Variants in SLC2A14 observed in about 807,000 individuals in gnomAD.
SLC2A14 encodes the protein solute carrier family 2, facilitated glucose transporter member 14.
A neutral mutation model predicts 43.0 loss-of-function variants in SLC2A14; 13 were observed. The observed-to-expected ratio is 0.30, with a 90% CI of 0.20 to 0.48. The LOEUF (loss-of-function observed/expected upper bound fraction) is 0.48. SLC2A14 is among the 20% of genes least tolerant of loss of function. The pLI, the probability that SLC2A14 is intolerant of heterozygous loss-of-function variation, is 0.99. For missense variants in SLC2A14, 428 were observed against 620.4 expected (o/e 0.69, Z 3.29); for synonymous variants, 190 against 233.8 (o/e 0.81, Z 1.71).
In SLC2A14 at chr12:7,879,316, A is replaced by AAAAAC. The variant is rs148751409; in HGVS notation, c.132+11679_132+11680insGTTTT. On this transcript the variant is annotated intron_variant, in intron 1 of 9. Coordinates refer to the SLC2A14 transcript ENST00000539924. ...TAGCAAGACCTCAACTCTGCAAAAAAAAACAAACAACAACAAAAAAAAACA... is the reference window on the plus strand; with the variant it reads ...TAGCAAGACCTCAACTCTGCAAAAAAAAAACAAACAAACAACAACAAAAAAAAACA... 2.2e-4 allele frequency among the ~76,000 whole-genome samples: 24 copies of AAAAAC among 110,026 alleles called. 1 individual carries two copies. The highest frequency in any genetic ancestry group is 6.1e-4 in the South Asian group (2 of 3,302). The allele number at this position is 110,026 out of a possible 152,430, so 72.2% of individuals were successfully genotyped here.
intron 1 of SLC2A14, among the ~76,000 whole-genome samples, chr12:7,884,926 A>G (rs1945662628): frequency 6.6e-6 from 1 of 151,998 alleles, no homozygotes; most frequent in Non-Finnish European, 1.5e-5. Flanking sequence ...TGGCAACAAT[A>G]TTGTTCAAGG....
At chr12:7,832,848 T>A in intron 2 of SLC2A14, 34 bp from the exon 3 acceptor site, 1 of 1,595,616 alleles carries the variant, frequency 6.3e-7, no homozygotes, top group Non-Finnish European at 8.6e-7. Flanking sequence ...GAGAGAATAG[T>A]CCTTAAAACT....
rs764554907 is a variant in SLC2A14 at position 7,878,731 on chromosome 12, C to T, written c.132+12265G>A. Reference sequence around the variant, plus strand: ...GGGTGGCTCAGGGCGATAATCCCAGCACTTTCGGAGGCCAAGGTGGGCGGA... The same window carrying T: ...GGGTGGCTCAGGGCGATAATCCCAGTACTTTCGGAGGCCAAGGTGGGCGGA... On this transcript the variant is annotated intron_variant, in intron 1 of 9. Transcript: ENST00000539924. Among the ~76,000 whole-genome samples, 198 of 151,956 alleles carry T rather than the reference C, an allele frequency of 1.3e-3. 1 individual carries two copies. The highest frequency in any genetic ancestry group is 4.6e-3 in the African/African-American group (190 of 41,464).
intron 2 of SLC2A14, among the ~76,000 whole-genome samples, chr12:7,864,109 C>A (rs1944776578): frequency 6.6e-6 from 1 of 152,006 alleles, no homozygotes; most frequent in South Asian, 2.1e-4. Context: ...AGCCCCCGCG[C>A]CCGGCCACCA....
At chr12:7,866,454 T>A (rs1431209174) in intron 2 of SLC2A14, among the ~76,000 whole-genome samples, 3 of 152,006 alleles carry the variant, frequency 2.0e-5, no homozygotes, top group Non-Finnish European at 4.4e-5. Flanking sequence ...AACCTCCACC[T>A]CCTGGGTTCA....
In SLC2A14 at chr12:7,870,725, A is replaced by G. The variant is rs766705107; in HGVS notation, c.-57-788T>C. 104 of 439,656 alleles carry G rather than the reference A, an allele frequency of 2.4e-4. 2 individuals carry two copies. The South Asian group carries it at 3.4e-3, about 14-fold the overall frequency. 27.2% of individuals were successfully genotyped at this position (439,656 alleles called of 1,614,324 possible). On this transcript the variant is annotated intron_variant, in intron 1 of 10. Transcript: ENST00000431042. Reference sequence around the variant, plus strand: ...TCATTCACACTTGGAAAAAACAAATAAAGTCAAACCAAAAAAAACCTCAGA... The same window carrying G: ...TCATTCACACTTGGAAAAAACAAATGAAGTCAAACCAAAAAAAACCTCAGA...
intron 7 of SLC2A14, among the ~76,000 whole-genome samples, chr12:7,826,853 C>CCTTT (rs1555121670): frequency 0.029 from 992 of 34,416 alleles, 91 homozygotes; most frequent in East Asian, 0.1. Flanking sequence ...TTCCTTCCTT[C>CCTTT]CTTTCTTTTT....
intron 2 of SLC2A14, among the ~76,000 whole-genome samples, chr12:7,846,095 C>G (rs1365213823): frequency 6.6e-6 from 1 of 150,808 alleles, no homozygotes; most frequent in Non-Finnish European, 1.5e-5. Context: ...CTTGTCTAAA[C>G]AAAAAAAAGA....
intron 9 of SLC2A14, among the ~76,000 whole-genome samples, chr12:7,818,691 C>CTTTTTTT (rs35067057): frequency 2.4e-4 from 35 of 145,778 alleles, no homozygotes; most frequent in African/African-American, 8.8e-4. Flanking sequence ...CAAAAAAATA[C>CTTTTTTT]TTTTTTTTTT....
intron 1 of SLC2A14, among the ~76,000 whole-genome samples, chr12:7,879,324 C>CAAA (rs367802399): frequency 6.6e-5 from 7 of 105,756 alleles, no homozygotes; most frequent in Non-Finnish European, 1.2e-4. Context: ...AAAAAACAAA[C>CAAA]AACAACAAAA....
chr12:7,829,834 T>C lies in SLC2A14; in HGVS notation c.445A>G (p.Thr149Ala), dbSNP rs1864851047. Residue 149 changes from threonine to alanine, a missense_variant, in exon 5 of 11, where the codon ACT becomes GCT. By Grantham distance (58) the Thr-to-Ala change is moderately conservative. Coordinates refer to ENST00000431042, the MANE Select transcript of SLC2A14 (RefSeq NM_001286234.2). Reference protein sequence around the residue: ...VPMYIGEISPTALRGAFGTLN... With the variant: ...VPMYIGEISPAALRGAFGTLN... ...GTGCCAAAGGCACCCCTCAGGGCAG[T>C]AGGCGAGATCTCTCCAATGTACATG... The C allele has an allele frequency of 1.9e-6, 3 of 1,614,094 alleles. No homozygotes were observed. The highest frequency in any genetic ancestry group is 1.3e-5 in the African/African-American group (1 of 74,942).
chr12:7,871,148 A>C lies in SLC2A14; in HGVS notation c.-57-1211T>G, dbSNP rs986193843. Reference sequence around the variant, plus strand: ...TTTGGGGAGAAGCTGAATGGAACAGACCCCCAGGATGTGATCCAAAACGCC... The same window carrying C: ...TTTGGGGAGAAGCTGAATGGAACAGCCCCCCAGGATGTGATCCAAAACGCC... On this transcript the variant is annotated intron_variant, in intron 1 of 10. Coordinates refer to ENST00000431042, the MANE Select transcript of SLC2A14 (RefSeq NM_001286234.2). 4 of 1,304,524 alleles carry C rather than the reference A, an allele frequency of 3.1e-6. No individual in the cohort carries two copies. The African/African-American group carries it at 4.6e-5, about 15-fold the overall frequency. The allele number at this position is 1,304,524 out of a possible 1,614,324, so 80.8% of individuals were successfully genotyped here. A position where few individuals can be genotyped will look rare whatever the true frequency, so the allele number is the denominator to read the frequency against.
chr12:7,840,420 C>A (rs1030810037), intron 2 of SLC2A14, among the ~76,000 whole-genome samples: 3 of 151,986 alleles, frequency 2.0e-5, no homozygotes, highest in African/African-American at 7.2e-5. Context: ...GCTCTTGTCG[C>A]CTAGTCTGGA....
chr12:7,847,140 T>C (rs1297213940), intron 2 of SLC2A14, among the ~76,000 whole-genome samples: 1 of 151,688 alleles, frequency 6.6e-6, no homozygotes, highest in Non-Finnish European at 1.5e-5. Context: ...TAATCCCAGC[T>C]ACTCAGGAGG....
At chr12:7,864,348 A>G (rs955714735) in intron 2 of SLC2A14, among the ~76,000 whole-genome samples, 1 of 150,956 alleles carries the variant, frequency 6.6e-6, no homozygotes, top group Non-Finnish European at 1.5e-5. Flanking sequence ...TGTTGTTGTT[A>G]TTGTTGTTTG....
At chr12:7,874,780 A>AATT (rs1321396259), upstream of SLC2A14, among the ~76,000 whole-genome samples, 3 of 4,556 alleles carry the variant, frequency 6.6e-4, no homozygotes, top group African/African-American at 1.4e-3. Context: ...AACATATATA[A>AATT]ATATATAAAT....
chr12:7,824,844 T>C (rs1864208876), intron 7 of SLC2A14, among the ~76,000 whole-genome samples: 4 of 151,706 alleles, frequency 2.6e-5, no homozygotes, highest in Admixed American at 2.6e-4. Context: ...AGATGGTGCA[T>C]CCACCACGCC....
intron 2 of SLC2A14, among the ~76,000 whole-genome samples, chr12:7,833,118 G>GATGAAATATTTAAAAACCTGCAA (rs1865168396): frequency 6.6e-6 from 1 of 152,198 alleles, no homozygotes; most frequent in Admixed American, 6.6e-5. Flanking sequence ...TGCATCAGGT[G>GATGAAATATTTAAAAACCTGCAA]AAGGTAGGCA....
Position 7,828,730 on chromosome 12 carries a change from C to T in SLC2A14, c.650G>A (p.Arg217Lys), listed in dbSNP as rs1157470875. 1 of 1,613,646 alleles carries T rather than the reference C, an allele frequency of 6.2e-7. No individual in the cohort carries two copies. Among genetic ancestry groups the T allele is most frequent in the African/African-American group, 1.3e-5 (1 of 74,976 alleles). ...PESPRFLLIN[R>K]KKEENATRIL... ...CCGCGTAGCATTCTCCTCTTTTTTT[C>T]TGTTAATGAGCAAAAATCTGGGACT... Residue 217 changes from arginine (R) to lysine (K), a missense_variant, in exon 6 of 11, where the codon AGA becomes AAA. By Grantham distance (26) the Arg-to-Lys change is conservative. Transcript: ENST00000431042.
Sources: allele counts gnomAD v4.1 joint callset (sites outside exome capture counted in the v4.1 genomes callset), GRCh38; gene constraint gnomAD v4.1.1; transcripts MANE v1.5; gene names NCBI Gene and HGNC (gene_info 2026-07-23, HGNC 2026-07-21).